HTR4: variants seen among roughly 807,000 people sequenced by gnomAD.
HTR4 encodes 5-hydroxytryptamine receptor 4.
Under a neutral mutation model 36.8 loss-of-function variants are expected in HTR4, and 16 were observed. The ratio of observed to expected loss-of-function variants is 0.43; its 90% confidence interval spans 0.29 to 0.66. HTR4 has a LOEUF of 0.66. Among genes scored for constraint, HTR4 ranks in the 30% least tolerant of loss-of-function variants. The pLI, the probability that HTR4 is intolerant of heterozygous loss-of-function variation, is 0.13. For missense variants in HTR4, 438 were observed against 490.9 expected, an observed-to-expected ratio of 0.89 and a Z score of 1.02; for synonymous variants, 189 against 185.1, an observed-to-expected ratio of 1.02 and a Z score of -0.17.
At chr5:148,499,111 T>G (rs956067108) in intron 6 of HTR4, among the ~76,000 whole-genome samples, 4 of 152,210 alleles carry the variant, frequency 2.6e-5, no homozygotes, top group Admixed American at 2.6e-4. Flanking sequence ...CCAGCTTTGT[T>G]GTTTACTACT....
chr5:148,496,645 AC>A (rs1186831940), intron 6 of HTR4, among the ~76,000 whole-genome samples: 2 of 152,070 alleles, frequency 1.3e-5, no homozygotes, highest in Non-Finnish European at 2.9e-5. Flanking sequence ...TATCAGGAAA[AC>A]CTTTCAAGCT....
chr5:148,468,299 C>T (rs1373317526), intron 5 of HTR4, among the ~76,000 whole-genome samples: 1 of 152,210 alleles, frequency 6.6e-6, no homozygotes, highest in Non-Finnish European at 1.5e-5. Context: ...CAGAGTGCTT[C>T]AAACACCTGG....
chr5:148,638,958 G>T (rs1230662650), intron 1 of HTR4, among the ~76,000 whole-genome samples: 1 of 151,998 alleles, frequency 6.6e-6, no homozygotes, highest in Non-Finnish European at 1.5e-5. Flanking sequence ...GAGGTGGGAG[G>T]ATCACCTGAG....
chr5:148,591,015 A>AG (rs1351793236), intron 2 of HTR4, among the ~76,000 whole-genome samples: 1 of 152,188 alleles, frequency 6.6e-6, no homozygotes, highest in African/African-American at 2.4e-5. Flanking sequence ...ATATGGTGTA[A>AG]GGAAGGGGTC....
At chr5:148,536,583 A>G (rs868254978) in intron 4 of HTR4, among the ~76,000 whole-genome samples, 17 of 152,174 alleles carry the variant, frequency 1.1e-4, no homozygotes, top group African/African-American at 4.1e-4. Flanking sequence ...AAAAACAGGG[A>G]TTGCAATCCT....
intron 6 of HTR4, among the ~76,000 whole-genome samples, chr5:148,505,362 G>A (rs1361503290): frequency 1.3e-5 from 2 of 152,104 alleles, no homozygotes; most frequent in Admixed American, 1.3e-4. Flanking sequence ...AGGTATTGAT[G>A]GGACATATAT....
downstream of HTR4, chr5:148,476,864 C>T: frequency 6.6e-7 from 1 of 1,513,710 alleles, no homozygotes; most frequent in Non-Finnish European, 9.0e-7. Flanking sequence ...AAACCTCATG[C>T]AGTCCTGGAG....
At chr5:148,533,486 G>A (rs148615631) in intron 4 of HTR4, among the ~76,000 whole-genome samples, 211 of 152,282 alleles carry the variant, frequency 1.4e-3, no homozygotes, top group African/African-American at 4.7e-3. Flanking sequence ...TTAGTAGGCA[G>A]CCATGTATTT....
Position 148,482,186 on chromosome 5 carries a change from C to T in HTR4, c.*1017G>A. On this transcript the variant is annotated 3_prime_UTR_variant, in exon 7 of 7. Coordinates refer to ENST00000377888, the MANE Select transcript of HTR4 (RefSeq NM_000870.7). ...AGTGCTGCTGGATCCTGCCCTCCTGCACCTTGGGGGAGCTGCAGGGGAAAA... is the reference window on the plus strand; with the variant it reads ...AGTGCTGCTGGATCCTGCCCTCCTGTACCTTGGGGGAGCTGCAGGGGAAAA... The T allele has an allele frequency of 1.0e-6, 1 of 985,606 alleles. No individual in the cohort carries two copies. The highest frequency in any genetic ancestry group is 1.2e-6 in the Non-Finnish European group (1 of 830,076). 61.1% of individuals were successfully genotyped at this position (985,606 alleles called of 1,614,324 possible). A position where few individuals can be genotyped will look rare whatever the true frequency, so the allele number is the denominator to read the frequency against.
rs149906679 is a variant in HTR4, at chr5:148,650,259, A to C, written c.-48+3803T>G. Among the ~76,000 whole-genome samples the C allele has an allele frequency of 7.7e-4, 118 of 152,340 alleles. 1 individual carries two copies. Among genetic ancestry groups the C allele is most frequent in the Non-Finnish European group, 1.5e-3 (101 of 68,034 alleles). ...ATGAGGCTGGTGAAGCCAGTGCTCT[A>C]TCATTTATTCACTGGCAGTTACCAA... On this transcript the variant is annotated intron_variant, in intron 1 of 6. Coordinates refer to ENST00000377888, the MANE Select transcript of HTR4 (RefSeq NM_000870.7).
At chr5:148,462,888 A>G (rs1027527051) in intron 5 of HTR4, among the ~76,000 whole-genome samples, 10 of 152,162 alleles carry the variant, frequency 6.6e-5, no homozygotes, top group African/African-American at 2.4e-4. Flanking sequence ...CATCATATCA[A>G]TAGGCTAAAA....
At chr5:148,622,531 CTG>C (rs1482147843) in intron 2 of HTR4, among the ~76,000 whole-genome samples, 2 of 152,158 alleles carry the variant, frequency 1.3e-5, no homozygotes, top group Non-Finnish European at 2.9e-5. Context: ...TCTGATACTC[CTG>C]TGTTTACTTA....
chr5:148,650,536 CA>C lies in HTR4; in HGVS notation c.-48+3525del, dbSNP rs200811740. Reference sequence around the variant, plus strand: ...TCAACAGCATGCAGAATGGAGGAATCAAAGGGCAAACCAAGAAGAATAAAGA... The same window carrying C: ...TCAACAGCATGCAGAATGGAGGAATCAAGGGCAAACCAAGAAGAATAAAGA... On this transcript the variant is annotated intron_variant, in intron 1 of 6. Transcript: ENST00000377888. Among the ~76,000 whole-genome samples the C allele has an allele frequency of 2.1e-3, 323 of 152,058 alleles. 5 individuals are homozygous for C. The East Asian group carries it at 0.038, about 18-fold the overall frequency.
chr5:148,488,856 A>C (rs114317114), intron 6 of HTR4, among the ~76,000 whole-genome samples: 2,064 of 152,288 alleles, frequency 0.014, 47 homozygotes, highest in African/African-American at 0.047. Flanking sequence ...CCAGTCTCAG[A>C]TATGTCCATG....
intron 2 of HTR4, among the ~76,000 whole-genome samples, chr5:148,609,549 A>G (rs1038074184): frequency 2.6e-5 from 4 of 151,772 alleles, no homozygotes; most frequent in African/African-American, 4.8e-5. Flanking sequence ...CCACTTTTGT[A>G]TAATGTGCTT....
chr5:148,652,405 T>C (rs34055735), intron 1 of HTR4, among the ~76,000 whole-genome samples: 25,076 of 152,064 alleles, frequency 0.16, 2,192 homozygotes, highest in South Asian at 0.22. Context: ...CGTCTTGGGG[T>C]AGCAGGATGC....
chr5:148,648,670 A>C (rs940049736), intron 1 of HTR4, among the ~76,000 whole-genome samples: 2 of 152,316 alleles, frequency 1.3e-5, no homozygotes, highest in Admixed American at 6.5e-5. Context: ...GGCATCCACT[A>C]CACCACTTGC....
intron 6 of HTR4, among the ~76,000 whole-genome samples, chr5:148,502,875 C>T (rs577383937): frequency 6.6e-6 from 1 of 152,104 alleles, no homozygotes; most frequent in African/African-American, 2.4e-5. Flanking sequence ...ATTCGATCAA[C>T]TGGAAGAAAG....
intron 6 of HTR4, among the ~76,000 whole-genome samples, chr5:148,499,913 A>G (rs935714914): frequency 6.6e-6 from 1 of 152,046 alleles, no homozygotes; most frequent in African/African-American, 2.4e-5. Flanking sequence ...GCCTTGAGAC[A>G]TGTATGAACC....
Sources: gnomAD v4.1 joint callset for allele counts (sites outside exome capture counted in the v4.1 genomes callset) on GRCh38, gnomAD v4.1.1 for gene constraint, MANE v1.5 for transcripts, NCBI Gene and HGNC (gene_info 2026-07-23, HGNC 2026-07-21) for gene names.